The following CRHR1 variants were observed in gnomAD, a reference collection of about 807,000 sequenced individuals.
CRHR1 encodes the protein corticotropin-releasing hormone receptor 1.
CRHR1 carries 28 observed loss-of-function variants against 56.0 expected under a neutral mutation model. The ratio of observed to expected loss-of-function variants is 0.50; its 90% CI spans 0.37 to 0.69. The LOEUF is 0.69. Among genes scored for constraint, CRHR1 ranks in the 30% least tolerant of loss-of-function variants. The pLI is 0.00. For synonymous variants in CRHR1, 195 were observed against 216.5 expected (o/e 0.90, Z 0.87); for missense variants, 376 against 548.0 (o/e 0.69, Z 3.13).
At chr17:45,824,947 C>T (rs1285348647) in intron 4 of CRHR1, among the ~76,000 whole-genome samples, 1 of 152,020 alleles carries the variant, frequency 6.6e-6, no homozygotes, top group Non-Finnish European at 1.5e-5. Flanking sequence ...CCGTGCCTGG[C>T]TCTGCCATCT....
chr17:45,793,316 T>G (rs929548025), intron 1 of CRHR1, among the ~76,000 whole-genome samples: 6 of 152,158 alleles, frequency 3.9e-5, no homozygotes, highest in African/African-American at 1.2e-4. Flanking sequence ...TGGTGGGAGA[T>G]GTTGCTAGAG....
chr17:45,821,808 G>A (rs1233356649), intron 4 of CRHR1, among the ~76,000 whole-genome samples: 3 of 152,252 alleles, frequency 2.0e-5, no homozygotes, highest in African/African-American at 4.8e-5. Context: ...ACATGCCTGA[G>A]AGATACATCC....
At chr17:45,831,106 G>A (rs1046667115) in intron 8 of CRHR1, among the ~76,000 whole-genome samples, 166 bp downstream of exon 8, 2 of 147,434 alleles carry the variant, frequency 1.4e-5, no homozygotes, top group African/African-American at 2.4e-5. Context: ...GAGGGTCCCT[G>A]CCTGTGCTCT....
At chr17:45,811,128 C>T (rs2061814888) in intron 2 of CRHR1, among the ~76,000 whole-genome samples, 1 of 152,260 alleles carries the variant, frequency 6.6e-6, no homozygotes, top group South Asian at 2.1e-4. Context: ...GTTCCAGCTT[C>T]CTCTGAAGTT....
intron 12 of CRHR1, among the ~76,000 whole-genome samples, chr17:45,834,377 AGG>A (rs1448617633): frequency 6.6e-6 from 1 of 152,230 alleles, no homozygotes; most frequent in Non-Finnish European, 1.5e-5. Flanking sequence ...TTCATGGCAA[AGG>A]GCATATGGTG....
In CRHR1 at chr17:45,834,067, T is replaced by C. The variant is rs28364022; in HGVS notation, c.1107+19T>C. The C allele has an allele frequency of 4.6e-3, 7,450 of 1,612,464 alleles. 32 individuals are homozygous for C. The highest frequency in any genetic ancestry group is 5.8e-3 in the Non-Finnish European group (6,792 of 1,178,650). On this transcript the variant is annotated intron_variant, in intron 12 of 12. Coordinates refer to ENST00000314537, the MANE Select transcript of CRHR1 (RefSeq NM_004382.5). ...TAGTGAGGTGAGGACCCGGGGGCCC[T>C]GCAGCGGGGTTCAGGGCTGTGAGGC...
chr17:45,816,158 C>A (rs1026194260), intron 2 of CRHR1, among the ~76,000 whole-genome samples: 2 of 152,182 alleles, frequency 1.3e-5, no homozygotes, highest in African/African-American at 4.8e-5. Flanking sequence ...CAGAAGCATG[C>A]CCAGGCTTCC....
At chr17:45,829,801 C>A (rs1255692000) in intron 5 of CRHR1, among the ~76,000 whole-genome samples, 1 of 152,012 alleles carries the variant, frequency 6.6e-6, no homozygotes, top group Non-Finnish European at 1.5e-5. Context: ...TAGAAGGCAC[C>A]CCCAGGGGAA....
chr17:45,833,347 C>T (rs867682246), intron 9 of CRHR1, 105 bp from the exon 10 acceptor site: 2 of 1,448,600 alleles, frequency 1.4e-6, no homozygotes, highest in Non-Finnish European at 9.7e-7. Context: ...TGTGCAGGTG[C>T]TCATGAGGAG....
At chr17:45,812,340 G>A (rs2061839324) in intron 2 of CRHR1, among the ~76,000 whole-genome samples, 1 of 152,208 alleles carries the variant, frequency 6.6e-6, no homozygotes, top group African/African-American at 2.4e-5. Context: ...GTGGGACAGG[G>A]AGCTGTCAGG....
intron 1 of CRHR1, among the ~76,000 whole-genome samples, chr17:45,797,991 C>T (rs1019504971): frequency 8.6e-5 from 13 of 151,900 alleles, no homozygotes; most frequent in South Asian, 4.2e-4. Context: ...GTCCAAGGTG[C>T]GGGGCTATGG....
At chr17:45,798,562 G>T (rs1436568892) in intron 1 of CRHR1, among the ~76,000 whole-genome samples, 1 of 151,338 alleles carries the variant, frequency 6.6e-6, no homozygotes. Context: ...CACAGGCCTT[G>T]CCTGCAGGGA....
chr17:45,826,199 G>GCTGT (rs2062158473), intron 4 of CRHR1: 1 of 152,626 alleles, frequency 6.6e-6, no homozygotes, highest in African/African-American at 2.4e-5. Context: ...GGTGTCACTG[G>GCTGT]CTGTCCCTGG....
chr17:45,786,636 CTTTTTTTT>C (rs34895436), intron 1 of CRHR1, among the ~76,000 whole-genome samples: 1 of 108,402 alleles, frequency 9.2e-6, no homozygotes, highest in Admixed American at 1.1e-4. Flanking sequence ...AGAAAATATC[CTTTTTTTT>C]TTTTTTTTTT....
At chr17:45,830,050 C>T in intron 5 of CRHR1, 44 bp from the exon 6 acceptor site, 1 of 1,612,582 alleles carries the variant, frequency 6.2e-7, no homozygotes, top group Non-Finnish European at 8.5e-7. Flanking sequence ...CCCTCATCCT[C>T]TCTCTCCTAT....
At chr17:45,833,335 G>A (rs2062360088) in intron 9 of CRHR1, 117 bp from the exon 10 acceptor site, 2 of 1,437,614 alleles carry the variant, frequency 1.4e-6, no homozygotes, top group African/African-American at 2.8e-5. Flanking sequence ...ATGGGTCAGA[G>A]ATGTGCAGGT....
chr17:45,795,322 C>T (rs112112278), intron 1 of CRHR1, among the ~76,000 whole-genome samples: 8 of 152,320 alleles, frequency 5.3e-5, no homozygotes, highest in Non-Finnish European at 8.8e-5. Flanking sequence ...TCCCCTGCCC[C>T]GCCCCCATAA....
chr17:45,793,130 C>T (rs2061455834), intron 1 of CRHR1, among the ~76,000 whole-genome samples: 3 of 152,232 alleles, frequency 2.0e-5, no homozygotes, highest in Admixed American at 1.3e-4. Flanking sequence ...TCTCTGCCTC[C>T]GCGTGTGGAT....
At chr17:45,816,713 C>A in intron 3 of CRHR1, 131 bp downstream of exon 3, 1 of 1,417,436 alleles carries the variant, frequency 7.1e-7, no homozygotes, top group East Asian at 2.4e-5. Context: ...CCCTGTTTTC[C>A]AAAGGTCAGC....
Sources: allele counts gnomAD v4.1 joint callset (sites outside exome capture counted in the v4.1 genomes callset), GRCh38; gene constraint gnomAD v4.1.1; transcripts MANE v1.5; gene names NCBI Gene and HGNC (gene_info 2026-07-23, HGNC 2026-07-21).